The following C12orf42 variants were observed in gnomAD, a reference collection of about 807,000 sequenced individuals.
C12orf42 encodes uncharacterized protein C12orf42.
A neutral mutation model predicts 21.6 loss-of-function variants in C12orf42; 25 were observed. The ratio of observed to expected loss-of-function variants is 1.16; its 90% confidence interval spans 0.84 to 1.62. The LOEUF is 1.62. Among genes scored for constraint, C12orf42 ranks in the 40% most tolerant of loss-of-function variants. The pLI, the probability that C12orf42 is intolerant of heterozygous loss-of-function variation, is 0.00. For missense variants in C12orf42, 483 were observed against 459.3 expected (o/e 1.05, Z -0.47); for synonymous variants, 174 against 175.0 (o/e 0.99, Z 0.05).
rs142510462 is a variant in C12orf42, at chr12:103,417,439, G to A, written c.79-15764C>T. 2.5e-3 allele frequency among the ~76,000 whole-genome samples: 388 copies of A among 152,288 alleles called. 1 individual carries two copies. The highest frequency in any genetic ancestry group is 0.014 in the Middle Eastern group (4 of 294). On this transcript the variant is annotated intron_variant, in intron 2 of 5. Coordinates refer to ENST00000548883, the MANE Select transcript of C12orf42 (RefSeq NM_198521.5). ...ATACTCCTCCATTTGGCATTTAAGA[G>A]CTTCAGCTCCTTTATCCAAACCATC...
the C12orf42 span, among the ~76,000 whole-genome samples, chr12:103,146,994 T>C: frequency 6.6e-6 from 1 of 152,058 alleles, no homozygotes. Flanking sequence ...AAGAACTCAG[T>C]AGATAAAGCA....
chr12:103,292,717 G>A (rs1011767286), intron 4 of C12orf42, among the ~76,000 whole-genome samples: 33 of 152,066 alleles, frequency 2.2e-4, no homozygotes, highest in African/African-American at 7.9e-4. Flanking sequence ...CTAATAATAA[G>A]ACTGAAATCT....
At chr12:103,415,486 A>T (rs1348510186) in intron 2 of C12orf42, among the ~76,000 whole-genome samples, 1 of 152,228 alleles carries the variant, frequency 6.6e-6, no homozygotes. Context: ...TATTCTTCTC[A>T]TCTGCACACA....
intron 4 of C12orf42, among the ~76,000 whole-genome samples, chr12:103,278,025 C>A (rs1399108189): frequency 6.6e-6 from 1 of 152,050 alleles, no homozygotes; most frequent in African/African-American, 2.4e-5. Context: ...AAGTAAATTT[C>A]TTTCTGAAAA....
the C12orf42 span, among the ~76,000 whole-genome samples, chr12:103,195,772 A>G: frequency 6.6e-6 from 1 of 152,122 alleles, no homozygotes; most frequent in Non-Finnish European, 1.5e-5. Context: ...TTTGCTGTGC[A>G]GAAGCTCTTT....
At chr12:103,121,780 C>A in the C12orf42 span, among the ~76,000 whole-genome samples, 5 of 152,312 alleles carry the variant, frequency 3.3e-5, no homozygotes, top group Admixed American at 6.5e-5. Flanking sequence ...TTAGGCCCTG[C>A]TAGTTTTTGT....
the C12orf42 span, among the ~76,000 whole-genome samples, chr12:103,153,339 A>G: frequency 1.3e-5 from 2 of 152,208 alleles, no homozygotes; most frequent in Admixed American, 6.5e-5. Context: ...AAACTATATT[A>G]TAATTAAAAT....
the C12orf42 span, among the ~76,000 whole-genome samples, chr12:103,197,543 T>G: frequency 6.6e-6 from 1 of 152,194 alleles, no homozygotes; most frequent in Admixed American, 6.5e-5. Flanking sequence ...CCATCCAGAT[T>G]CTGAATGCTA....
chr12:103,399,660 GAATTATTTATCT>G (rs2047829648), intron 3 of C12orf42, among the ~76,000 whole-genome samples: 1 of 151,942 alleles, frequency 6.6e-6, no homozygotes, highest in East Asian at 1.9e-4. Context: ...TTATTTATCT[GAATTATTTATCT>G]GATAATTTCC....
At chr12:103,342,629 G>C (rs2042260665) in intron 4 of C12orf42, among the ~76,000 whole-genome samples, 1 of 151,524 alleles carries the variant, frequency 6.6e-6, no homozygotes, top group Non-Finnish European at 1.5e-5. Context: ...AGCAAATCCA[G>C]ATTCAAAGAT....
the C12orf42 span, among the ~76,000 whole-genome samples, chr12:103,115,594 AGTT>A: frequency 3.0e-3 from 456 of 152,292 alleles, 1 homozygote; most frequent in Non-Finnish European, 5.6e-3. Context: ...CACTTCCCGG[AGTT>A]GTTTTGAGAA....
intron 4 of C12orf42, among the ~76,000 whole-genome samples, chr12:103,335,601 A>G (rs1224356318): frequency 6.6e-6 from 1 of 152,204 alleles, no homozygotes; most frequent in East Asian, 1.9e-4. Flanking sequence ...CTTGGCCTTC[A>G]CATTCTCTGC....
chr12:103,379,236 C>T (rs1250256630), intron 3 of C12orf42, among the ~76,000 whole-genome samples: 1 of 152,198 alleles, frequency 6.6e-6, no homozygotes, highest in African/African-American at 2.4e-5. Flanking sequence ...CAGGCATCCT[C>T]ACCTATTGTT....
intron 4 of C12orf42, among the ~76,000 whole-genome samples, chr12:103,367,818 C>T (rs1467610699): frequency 6.6e-6 from 1 of 151,882 alleles, no homozygotes; most frequent in Non-Finnish European, 1.5e-5. Context: ...TGAGTGTGTA[C>T]CACAATGTGA....
At chr12:103,530,629 G>T in the C12orf42 span, among the ~76,000 whole-genome samples, 32 of 152,174 alleles carry the variant, frequency 2.1e-4, no homozygotes, top group African/African-American at 5.5e-4. Flanking sequence ...AAGTGTTCGG[G>T]GGGGGAAAAC....
the C12orf42 span, among the ~76,000 whole-genome samples, chr12:103,125,887 C>T: frequency 6.6e-6 from 1 of 152,200 alleles, no homozygotes; most frequent in South Asian, 2.1e-4. Flanking sequence ...TATGAGAGAC[C>T]ATTGGAAGGA....
At chr12:103,068,276 T>C in the C12orf42 span, among the ~76,000 whole-genome samples, 1 of 152,224 alleles carries the variant, frequency 6.6e-6, no homozygotes, top group Non-Finnish European at 1.5e-5. Context: ...TCCTTTATCA[T>C]GTGACATCAG....
At chr12:103,080,232 G>A in the C12orf42 span, among the ~76,000 whole-genome samples, 10 of 152,136 alleles carry the variant, frequency 6.6e-5, no homozygotes, top group Admixed American at 5.2e-4. Flanking sequence ...ACGGTATGGC[G>A]AGTCCAATGG....
rs573102220 is a variant in C12orf42, at chr12:103,295,718, G to A, written n.338-18508C>T. The stretch of plus-strand genomic sequence containing the variant: ...CCTTGCATAAATAATGATAATATAC[G>A]TACTAATTATTGCTGATATTAGTCA... On this transcript the variant is annotated intron_variant and non_coding_transcript_variant, in intron 4 of 6. Coordinates refer to the C12orf42 transcript ENST00000546526. Among the ~76,000 whole-genome samples, 76 of 152,032 alleles carry A rather than the reference G, an allele frequency of 5.0e-4. 2 individuals carry two copies. Among genetic ancestry groups the A allele is most frequent in the Admixed American group, 2.8e-3 (43 of 15,270 alleles).
Sources: gnomAD v4.1 joint callset for allele counts (sites outside exome capture counted in the v4.1 genomes callset) on GRCh38, gnomAD v4.1.1 for gene constraint, MANE v1.5 for transcripts, NCBI Gene and HGNC (gene_info 2026-07-23, HGNC 2026-07-21) for gene names.